The following HHAT variants were observed in gnomAD, a reference collection of about 807,000 sequenced individuals.
HHAT encodes the protein hedgehog acyltransferase.
In HHAT, 47 loss-of-function variants were observed where a neutral mutation model predicts 70.8. The observed-to-expected ratio is 0.66, with a 90% CI of 0.53 to 0.85. The LOEUF is 0.85. HHAT is among the 40% of genes least tolerant of loss of function. The pLI, the probability that HHAT is intolerant of heterozygous loss-of-function variation, is 0.00. For missense variants in HHAT, 609 were observed against 604.8 expected (o/e 1.01, Z -0.07); for synonymous variants, 228 against 247.6 (o/e 0.92, Z 0.74).
At chr1:210,618,637 C>T (rs899704410) in intron 10 of HHAT, among the ~76,000 whole-genome samples, 2 of 152,222 alleles carry the variant, frequency 1.3e-5, no homozygotes, top group Non-Finnish European at 2.9e-5. Flanking sequence ...TGCAGCCCCT[C>T]TGTGGATGAG....
intron 10 of HHAT, among the ~76,000 whole-genome samples, chr1:210,616,173 T>C (rs1457204857): frequency 6.6e-6 from 1 of 152,222 alleles, no homozygotes; most frequent in Non-Finnish European, 1.5e-5. Flanking sequence ...CTACCTCACT[T>C]ATTTTCTGTG....
chr1:210,597,916 A>G (rs1028068825), intron 10 of HHAT, among the ~76,000 whole-genome samples: 2 of 150,974 alleles, frequency 1.3e-5, no homozygotes, highest in African/African-American at 4.9e-5. Flanking sequence ...TAGCTACCAC[A>G]ACAGGGAATG....
intron 9 of HHAT, among the ~76,000 whole-genome samples, chr1:210,526,657 T>C (rs1309980160): frequency 2.6e-5 from 4 of 152,080 alleles, no homozygotes; most frequent in African/African-American, 9.7e-5. Flanking sequence ...TTAGTTTTCT[T>C]ATTTGTGAGA....
At chr1:210,333,079 A>G (rs2085140896) in intron 1 of HHAT, among the ~76,000 whole-genome samples, 1 of 152,210 alleles carries the variant, frequency 6.6e-6, no homozygotes. Flanking sequence ...TTCTGACTGA[A>G]AGCCTGCCCA....
At chr1:210,507,359 C>CTTT (rs927392992) in intron 8 of HHAT, among the ~76,000 whole-genome samples, 11 of 122,530 alleles carry the variant, frequency 9.0e-5, no homozygotes, top group Non-Finnish European at 1.5e-4. Context: ...TTTCTTTTTT[C>CTTT]TTTTTTTTTT....
chr1:210,360,306 T>G (rs200494397), intron 2 of HHAT, among the ~76,000 whole-genome samples: 6 of 147,094 alleles, frequency 4.1e-5, no homozygotes, highest in Non-Finnish European at 7.6e-5. Flanking sequence ...GTTTTTGTGT[T>G]TTTTTTTTTT....
At chr1:210,638,457 T>A (rs1250921750) in intron 11 of HHAT, among the ~76,000 whole-genome samples, 1 of 152,206 alleles carries the variant, frequency 6.6e-6, no homozygotes, top group Non-Finnish European at 1.5e-5. Context: ...ATTTATAAAA[T>A]GTCCAGAATA....
chr1:210,546,209 A>G (rs1346397576), intron 9 of HHAT, among the ~76,000 whole-genome samples: 1 of 152,238 alleles, frequency 6.6e-6, no homozygotes, highest in Non-Finnish European at 1.5e-5. Context: ...AGACATAAAA[A>G]TGGGAAAGAC....
At chr1:210,446,805 GAAAC>G (rs1033658049) in intron 7 of HHAT, among the ~76,000 whole-genome samples, 16 of 152,218 alleles carry the variant, frequency 1.1e-4, no homozygotes, top group African/African-American at 3.1e-4. Context: ...GACTCAAAGA[GAAAC>G]AGACAACCAG....
At chr1:210,443,106 T>A (rs2093559343) in intron 7 of HHAT, among the ~76,000 whole-genome samples, 1 of 152,186 alleles carries the variant, frequency 6.6e-6, no homozygotes, top group Non-Finnish European at 1.5e-5. Flanking sequence ...CAGGGAATCC[T>A]TTCCCCATTG....
chr1:210,614,247 GT>G (rs968396084), intron 10 of HHAT, among the ~76,000 whole-genome samples: 26 of 151,748 alleles, frequency 1.7e-4, no homozygotes, highest in African/African-American at 2.4e-5. Context: ...ATACACAACT[GT>G]TTTTTTGCAC....
intron 9 of HHAT, among the ~76,000 whole-genome samples, chr1:210,552,985 A>C (rs2095540063): frequency 6.6e-6 from 1 of 152,166 alleles, no homozygotes; most frequent in Non-Finnish European, 1.5e-5. Flanking sequence ...CCTTTAGTGC[A>C]GTGCCTGTGT....
At chr1:210,403,808 TCC>T (rs1558446246) in intron 5 of HHAT, among the ~76,000 whole-genome samples, 1 of 152,236 alleles carries the variant, frequency 6.6e-6, no homozygotes, top group East Asian at 1.9e-4. Flanking sequence ...TTATTGTATT[TCC>T]TTCTCATTTT....
chr1:210,458,925 A>T (rs1160086161), intron 7 of HHAT, among the ~76,000 whole-genome samples: 1 of 152,210 alleles, frequency 6.6e-6, no homozygotes, highest in Non-Finnish European at 1.5e-5. Flanking sequence ...GAAGGACTAA[A>T]TTCTAGGGGA....
In HHAT at chr1:210,674,348, T is replaced by C. The variant is rs781297562; in HGVS notation, c.1451T>C (p.Ile484Thr). The change falls in exon 12 of 12, where the codon ATT (isoleucine) becomes ACT (threonine). Residue 484 changes from isoleucine (I) to threonine (T), a missense_variant. Transcript: ENST00000261458. ...GFLYCYSHVG[I>T]AWAQTYATD ...CTGTACTGCTACTCCCACGTGGGCA[T>C]TGCCTGGGCCCAGACCTACGCCACG... is the stretch of plus-strand genomic sequence containing the variant. 4 of 1,614,212 alleles carry C rather than the reference T, an allele frequency of 2.5e-6. No individual in the cohort carries two copies. In the Admixed American group the frequency reaches 6.7e-5, roughly 27 times the overall value.
At chr1:210,363,081 G>A (rs1304853926) in intron 3 of HHAT, among the ~76,000 whole-genome samples, 162 bp downstream of exon 3, 1 of 152,152 alleles carries the variant, frequency 6.6e-6, no homozygotes, top group Non-Finnish European at 1.5e-5. Flanking sequence ...TGGGGAAGGC[G>A]TTCCCAGGGT....
chr1:210,595,414 C>T (rs898505251), intron 10 of HHAT, among the ~76,000 whole-genome samples: 10 of 152,094 alleles, frequency 6.6e-5, no homozygotes, highest in Non-Finnish European at 1.2e-4. Context: ...TGAATAGTGC[C>T]GCAATAAACA....
intron 2 of HHAT, among the ~76,000 whole-genome samples, chr1:210,352,894 T>C (rs1457481110): frequency 6.6e-6 from 1 of 152,046 alleles, no homozygotes; most frequent in African/African-American, 2.4e-5. Context: ...GTTGGTGCCT[T>C]ATGGTTTAGT....
intron 4 of HHAT, among the ~76,000 whole-genome samples, chr1:210,390,103 G>A (rs949258012): frequency 6.6e-6 from 1 of 152,138 alleles, no homozygotes; most frequent in Non-Finnish European, 1.5e-5. Flanking sequence ...GTTTAAATAT[G>A]TCAGTCATTG....
Sources: gnomAD v4.1 joint callset for allele counts (sites outside exome capture counted in the v4.1 genomes callset) on GRCh38, gnomAD v4.1.1 for gene constraint, MANE v1.5 for transcripts, NCBI Gene and HGNC (gene_info 2026-07-23, HGNC 2026-07-21) for gene names.